Variants in CSMD1 observed in about 807,000 individuals in gnomAD.
CSMD1 encodes CUB and Sushi multiple domains 1, also known as CUB and sushi domain-containing protein 1.
Under a neutral mutation model 417.5 loss-of-function variants are expected in CSMD1, and 213 were observed. The observed-to-expected ratio is 0.51, with a 90% CI of 0.46 to 0.57. CSMD1 has a LOEUF of 0.57. Among genes scored for constraint, CSMD1 ranks in the 20% least tolerant of loss-of-function variants. The pLI, the probability that CSMD1 is intolerant of heterozygous loss-of-function variation, is 0.00. For synonymous variants in CSMD1, 2,862 were observed against 1,736.8 expected, an observed-to-expected ratio of 1.65 and a Z score of -16.11; for missense variants, 6,923 against 4,529.7, an observed-to-expected ratio of 1.53 and a Z score of -15.17.
chr8:4,218,411 C>G (rs536363707), intron 3 of CSMD1, among the ~76,000 whole-genome samples: 3 of 152,254 alleles, frequency 2.0e-5, no homozygotes, highest in South Asian at 4.1e-4. Flanking sequence ...TCGAAAATGA[C>G]CTTTATATTA....
intron 3 of CSMD1, among the ~76,000 whole-genome samples, chr8:4,300,647 T>C (rs1237644989): frequency 1.3e-5 from 2 of 152,222 alleles, no homozygotes; most frequent in African/African-American, 4.8e-5. Flanking sequence ...ACTCGTCATT[T>C]AGCATTAGGT....
Position 3,795,854 on chromosome 8 carries a change from T to C in CSMD1, c.819-41812A>G, listed in dbSNP as rs541585174. On this transcript the variant is annotated intron_variant, in intron 5 of 69. Transcript: ENST00000635120. ...TATCATGTACAGATATAGATATATA[T>C]CTATCATGTACAGATATAGATATAT... is the stretch of plus-strand genomic sequence containing the variant. 2.3e-5 allele frequency among the ~76,000 whole-genome samples: 2 copies of C among 86,762 alleles called. 1 individual carries two copies. Among genetic ancestry groups the C allele is most frequent in the Admixed American group, 2.5e-4 (2 of 7,986 alleles). The allele number at this position is 86,762 out of a possible 152,430, so 56.9% of individuals were successfully genotyped here.
chr8:3,543,540 G>A (rs1461895149), intron 10 of CSMD1, among the ~76,000 whole-genome samples: 2 of 151,936 alleles, frequency 1.3e-5, no homozygotes, highest in Non-Finnish European at 2.9e-5. Context: ...CCAACATGAT[G>A]GAAAATGAAC....
intron 1 of CSMD1, among the ~76,000 whole-genome samples, chr8:4,957,243 G>A (rs1273325103): frequency 6.6e-6 from 1 of 152,262 alleles, no homozygotes; most frequent in African/African-American, 2.4e-5. Flanking sequence ...TTACTGAGTT[G>A]CCTTCAGGAA....
In CSMD1 at chr8:4,334,713, ATTT is replaced by A. The variant is rs140796006; in HGVS notation, c.415+85237_415+85239del. Among the ~76,000 whole-genome samples, 847 of 152,252 alleles carry A rather than the reference ATTT, an allele frequency of 5.6e-3. 5 individuals are homozygous for A. The highest frequency in any genetic ancestry group is 0.019 in the African/African-American group (789 of 41,548). On this transcript the variant is annotated intron_variant, in intron 3 of 69. Transcript: ENST00000635120. ...TGCCCAATTCTTACCATGAAAAATA[ATTT>A]TTATTTGCATAGATACTTGAACGAT...
intron 1 of CSMD1, among the ~76,000 whole-genome samples, chr8:4,895,774 A>C (rs1264888513): frequency 6.6e-6 from 1 of 152,006 alleles, no homozygotes; most frequent in East Asian, 1.9e-4. Flanking sequence ...AACTTTACCA[A>C]AGTAAATTTA....
chr8:3,574,579 G>C (rs986686787), intron 10 of CSMD1, among the ~76,000 whole-genome samples: 1 of 152,142 alleles, frequency 6.6e-6, no homozygotes, highest in Non-Finnish European at 1.5e-5. Context: ...GAGTATAGTA[G>C]GAGCATTTCT....
chr8:3,336,025 C>G (rs920807922), intron 23 of CSMD1, among the ~76,000 whole-genome samples: 4 of 152,102 alleles, frequency 2.6e-5, no homozygotes, highest in African/African-American at 9.7e-5. Flanking sequence ...AAACATTTCT[C>G]CCATAGGACT....
chr8:3,666,339 T>C (rs1371134370), intron 7 of CSMD1, among the ~76,000 whole-genome samples: 4 of 152,250 alleles, frequency 2.6e-5, no homozygotes, highest in African/African-American at 9.6e-5. Context: ...TTAAATGATA[T>C]AAACGCCTGT....
chr8:3,768,840 A>T (rs544955495), intron 5 of CSMD1, among the ~76,000 whole-genome samples: 34 of 152,336 alleles, frequency 2.2e-4, no homozygotes, highest in Non-Finnish European at 1.5e-4. Flanking sequence ...TGGATAGTCT[A>T]AAAGAAAAAA....
chr8:3,291,596 A>G (rs1035147996), intron 25 of CSMD1, among the ~76,000 whole-genome samples: 1 of 151,848 alleles, frequency 6.6e-6, no homozygotes, highest in Admixed American at 6.6e-5. Context: ...TTTTCTAGAT[A>G]TTCTAGTTTA....
At chr8:4,076,743 C>T (rs1799841086) in intron 3 of CSMD1, among the ~76,000 whole-genome samples, 1 of 152,154 alleles carries the variant, frequency 6.6e-6, no homozygotes, top group African/African-American at 2.4e-5. Flanking sequence ...CCCTGACCCA[C>T]CCTGGGGAAT....
intron 3 of CSMD1, among the ~76,000 whole-genome samples, chr8:4,088,944 C>T (rs771950526): frequency 1.3e-4 from 20 of 152,170 alleles, no homozygotes; most frequent in Admixed American, 3.9e-4. Flanking sequence ...AAGGTCTTTC[C>T]TGAATTCCAC....
intron 3 of CSMD1, among the ~76,000 whole-genome samples, chr8:4,377,746 C>T (rs1802846536): frequency 6.6e-6 from 1 of 152,204 alleles, no homozygotes; most frequent in South Asian, 2.1e-4. Context: ...CCCATAACAA[C>T]TATTAGGCTA....
At chr8:3,419,582 A>T (rs1359537816) in intron 12 of CSMD1, among the ~76,000 whole-genome samples, 1 of 152,218 alleles carries the variant, frequency 6.6e-6, no homozygotes, top group Non-Finnish European at 1.5e-5. Flanking sequence ...TGAAACCTGG[A>T]AAATCCCACG....
chr8:4,176,076 C>A (rs540170801), intron 3 of CSMD1, among the ~76,000 whole-genome samples: 6 of 152,096 alleles, frequency 3.9e-5, no homozygotes, highest in Non-Finnish European at 8.8e-5. Flanking sequence ...AGATGTGGAA[C>A]CCTTGCAGAA....
chr8:4,743,485 G>C (rs772719404), intron 1 of CSMD1, among the ~76,000 whole-genome samples: 1 of 152,108 alleles, frequency 6.6e-6, no homozygotes, highest in African/African-American at 2.4e-5. Context: ...AGAAACACCG[G>C]AGCGTCAAGT....
intron 1 of CSMD1, among the ~76,000 whole-genome samples, chr8:4,810,884 T>A (rs143716029): frequency 6.6e-6 from 1 of 152,230 alleles, no homozygotes; most frequent in Non-Finnish European, 1.5e-5. Context: ...AACAGCCTTG[T>A]GTCTGAATCA....
At chr8:3,542,886 G>T (rs1013336549) in intron 10 of CSMD1, among the ~76,000 whole-genome samples, 1 of 152,206 alleles carries the variant, frequency 6.6e-6, no homozygotes, top group African/African-American at 2.4e-5. Context: ...TACGGTGCAA[G>T]TGGGGCTCAT....
Sources: gnomAD v4.1 joint callset for allele counts (sites outside exome capture counted in the v4.1 genomes callset) on GRCh38, gnomAD v4.1.1 for gene constraint, MANE v1.5 for transcripts, NCBI Gene and HGNC (gene_info 2026-07-23, HGNC 2026-07-21) for gene names.